The following CDCA7L variants were observed in gnomAD, a reference collection of about 807,000 sequenced individuals.
The protein encoded by CDCA7L is cell division cycle-associated 7-like protein.
CDCA7L carries 44 observed loss-of-function variants against 57.4 expected under a neutral mutation model. That is an observed-to-expected ratio of 0.77 (90% CI 0.60 to 0.98). The LOEUF (loss-of-function observed/expected upper bound fraction) is 0.98, where lower values mean the gene tolerates loss of function less well. CDCA7L is among the 50% of genes least tolerant of loss of function. The pLI is 0.00. For synonymous variants in CDCA7L, 236 were observed against 202.8 expected (o/e 1.16, Z -1.39); for missense variants, 644 against 580.6 (o/e 1.11, Z -1.12).
intron 2 of CDCA7L, among the ~76,000 whole-genome samples, chr7:21,915,617 G>A (rs1785456058): frequency 7.7e-6 from 1 of 129,386 alleles, no homozygotes; most frequent in Non-Finnish European, 1.6e-5. Context: ...GGCCAATATG[G>A]CAAAACCCCA....
At chr7:21,904,361 C>T (rs1785062074) in intron 7 of CDCA7L, 102 bp from the exon 8 acceptor site, 1 of 1,163,810 alleles carries the variant, frequency 8.6e-7, no homozygotes, top group African/African-American at 1.5e-5. Context: ...AGAAATACCC[C>T]CGTCTCCTCG....
chr7:21,918,863 A>C (rs1000287002), intron 1 of CDCA7L, among the ~76,000 whole-genome samples: 10 of 152,352 alleles, frequency 6.6e-5, no homozygotes, highest in African/African-American at 1.4e-4. Context: ...ACAACAACAA[A>C]AAACACCCTT....
chr7:21,945,615 A>T (rs1023745043), intron 1 of CDCA7L, among the ~76,000 whole-genome samples, 166 bp downstream of exon 1: 4 of 152,102 alleles, frequency 2.6e-5, no homozygotes, highest in African/African-American at 9.7e-5. Flanking sequence ...CCCACTGCGC[A>T]CACCTGCAGG....
intron 6 of CDCA7L, 91 bp downstream of exon 6, chr7:21,906,198 G>A (rs1464475943): frequency 3.0e-6 from 4 of 1,315,246 alleles, no homozygotes; most frequent in Non-Finnish European, 4.2e-6. Context: ...CACGGGGTCA[G>A]AACCAGCCCT....
Position 21,901,536 on chromosome 7 carries a change from T to C in CDCA7L, c.*786A>G. ...GTGAGCCGAGGTTGCACCACTGCACTCCCTCCTGGGCAACAGAACAAGACT... is the reference window on the plus strand; with the variant it reads ...GTGAGCCGAGGTTGCACCACTGCACCCCCTCCTGGGCAACAGAACAAGACT... On this transcript the variant is annotated 3_prime_UTR_variant, in exon 10 of 10. Transcript: ENST00000406877. 1 of 252,736 alleles carries C rather than the reference T, an allele frequency of 4.0e-6. No homozygotes were observed. Among genetic ancestry groups the C allele is most frequent in the Non-Finnish European group, 7.4e-6 (1 of 135,680 alleles). 15.7% of individuals were successfully genotyped at this position (252,736 alleles called of 1,614,324 possible).
At chr7:21,931,847 A>G (rs1038674246) in intron 1 of CDCA7L, among the ~76,000 whole-genome samples, 1 of 152,246 alleles carries the variant, frequency 6.6e-6, no homozygotes, top group Non-Finnish European at 1.5e-5. Flanking sequence ...AAGTATTCAA[A>G]TAGGAAGAGA....
intron 1 of CDCA7L, among the ~76,000 whole-genome samples, chr7:21,923,870 C>G (rs76492014): frequency 6.6e-6 from 1 of 152,198 alleles, no homozygotes; most frequent in Non-Finnish European, 1.5e-5. Flanking sequence ...GCTGGCTTCT[C>G]GTTGAGTAGG....
chr7:21,929,617 C>A (rs1583869501), intron 1 of CDCA7L, among the ~76,000 whole-genome samples: 1 of 92,312 alleles, frequency 1.1e-5, no homozygotes, highest in Admixed American at 1.4e-4. Context: ...GAATATTATC[C>A]AGCAAATGGA....
intron 1 of CDCA7L, among the ~76,000 whole-genome samples, chr7:21,925,863 A>G (rs1785809270): frequency 6.6e-6 from 1 of 152,076 alleles, no homozygotes; most frequent in Non-Finnish European, 1.5e-5. Flanking sequence ...ACAGAGGAAG[A>G]CCCTATCTCA....
chr7:21,901,156 C>CT lies in CDCA7L; in HGVS notation c.*1165dup, dbSNP rs1390018520. On this transcript the variant is annotated 3_prime_UTR_variant, in exon 10 of 10. Transcript: ENST00000406877. Reference sequence around the variant, plus strand: ...CGAGTGCCCTGTGTATAGAACCAAACTGAGAGGCCCCAGCTACATCTGGAC... The same window carrying CT: ...CGAGTGCCCTGTGTATAGAACCAAACTTGAGAGGCCCCAGCTACATCTGGAC... 5.0e-6 allele frequency: 8 copies of CT among 1,612,666 alleles called. No homozygotes were observed. The highest frequency in any genetic ancestry group is 1.3e-5 in the African/African-American group (1 of 74,876).
chr7:21,932,591 C>G (rs1450063872), intron 1 of CDCA7L, among the ~76,000 whole-genome samples: 2 of 152,192 alleles, frequency 1.3e-5, no homozygotes, highest in African/African-American at 4.8e-5. Context: ...GGAAAACTGG[C>G]TAGCCATATG....
intron 1 of CDCA7L, among the ~76,000 whole-genome samples, chr7:21,924,578 T>C (rs1785764984): frequency 6.6e-6 from 1 of 152,176 alleles, no homozygotes; most frequent in Non-Finnish European, 1.5e-5. Flanking sequence ...GAAAAGTACA[T>C]ACCATGCACC....
In CDCA7L at chr7:21,901,594, GTACATCA is replaced by G. The variant is rs1411887963; in HGVS notation, c.*721_*727del. ...AAAAAAAAAAAAGTACATCATAAAA[GTACATCA>G]TATGTGAACATGCAAAAGCAATGCA... On this transcript the variant is annotated 3_prime_UTR_variant, in exon 10 of 10. Coordinates refer to ENST00000406877, the MANE Select transcript of CDCA7L (RefSeq NM_018719.5). 1.2e-5 allele frequency: 2 copies of G among 172,224 alleles called. No homozygotes were observed. The highest frequency in any genetic ancestry group is 2.5e-5 in the Non-Finnish European group (2 of 81,488). The allele number at this position is 172,224 out of a possible 1,614,324, so 10.7% of individuals were successfully genotyped here. A position where few individuals can be genotyped will look rare whatever the true frequency, so the allele number is the denominator to read the frequency against.
In CDCA7L at chr7:21,945,886, C is replaced by T. The variant is rs1279753158; in HGVS notation, c.-82G>A. 6.8e-7 allele frequency: 1 copy of T among 1,464,176 alleles called. No homozygotes were observed. Among genetic ancestry groups the T allele is most frequent in the South Asian group, 1.3e-5 (1 of 77,730 alleles). 90.7% of individuals were successfully genotyped at this position (1,464,176 alleles called of 1,614,324 possible). A position where few individuals can be genotyped will look rare whatever the true frequency, so the allele number is the denominator to read the frequency against. On this transcript the variant is annotated 5_prime_UTR_variant, in exon 1 of 10. Transcript: ENST00000406877. Reference sequence around the variant, plus strand: ...ACCACGGCCCGGCGCACCAAGAACGCCCCGCGCCCGAGCAGCTAGCGCGCT... The same window carrying T: ...ACCACGGCCCGGCGCACCAAGAACGTCCCGCGCCCGAGCAGCTAGCGCGCT...
At chr7:21,910,104 C>T (rs1394768624) in intron 3 of CDCA7L, among the ~76,000 whole-genome samples, 1 of 152,136 alleles carries the variant, frequency 6.6e-6, no homozygotes, top group Non-Finnish European at 1.5e-5. Flanking sequence ...GACTTGGGGG[C>T]AGGTGGGAGG....
chr7:21,931,187 C>G (rs1785997843), intron 1 of CDCA7L, among the ~76,000 whole-genome samples: 1 of 152,196 alleles, frequency 6.6e-6, no homozygotes, highest in Non-Finnish European at 1.5e-5. Flanking sequence ...CAGCCAAATT[C>G]TACCAGAGGT....
intron 3 of CDCA7L, among the ~76,000 whole-genome samples, chr7:21,911,290 G>C (rs1202085403): frequency 6.6e-6 from 1 of 152,002 alleles, no homozygotes; most frequent in East Asian, 1.9e-4. Context: ...GCCTCCCAAA[G>C]TGCTGGGATT....
chr7:21,913,391 G>T (rs1006040290), intron 2 of CDCA7L, among the ~76,000 whole-genome samples: 3 of 151,908 alleles, frequency 2.0e-5, no homozygotes, highest in African/African-American at 7.2e-5. Context: ...TTCAAATCGT[G>T]TTTAAGGGAG....
intron 1 of CDCA7L, among the ~76,000 whole-genome samples, chr7:21,940,705 G>A (rs1054140017): frequency 1.3e-5 from 2 of 152,212 alleles, no homozygotes; most frequent in African/African-American, 4.8e-5. Flanking sequence ...AGATGCACAG[G>A]TGGAAGCATG....
Sources: allele counts gnomAD v4.1 joint callset (sites outside exome capture counted in the v4.1 genomes callset), GRCh38; gene constraint gnomAD v4.1.1; transcripts MANE v1.5; gene names NCBI Gene and HGNC (gene_info 2026-07-23, HGNC 2026-07-21).